Variants in KCNMA1 observed in about 807,000 individuals in gnomAD.
KCNMA1 encodes Calcium-activated potassium channel subunit alpha-1.
Under a neutral mutation model 140.0 loss-of-function variants are expected in KCNMA1, and 29 were observed. The observed-to-expected ratio is 0.21, with a 90% confidence interval of 0.15 to 0.28. The LOEUF is 0.28. Ranked by LOEUF, KCNMA1 falls within the 10% of genes least tolerant of loss-of-function variation. The pLI, the probability that KCNMA1 is intolerant of heterozygous loss-of-function variation, is 1.00. For missense variants in KCNMA1, 880 were observed against 1,602.2 expected, an observed-to-expected ratio of 0.55 and a Z score of 7.70; for synonymous variants, 612 against 611.9, an observed-to-expected ratio of 1.00 and a Z score of 0.00.
chr10:76,974,325 C>T (rs1293837286), intron 19 of KCNMA1: 16 of 497,692 alleles, frequency 3.2e-5, no homozygotes, highest in South Asian at 9.0e-5. Context: ...TCGTTTTTTA[C>T]GGTTTTCCCT....
chr10:77,623,697 C>T (rs1483231675), intron 1 of KCNMA1, among the ~76,000 whole-genome samples: 2 of 149,592 alleles, frequency 1.3e-5, no homozygotes, highest in African/African-American at 2.5e-5. Context: ...ACCAAGACTC[C>T]GTCTCAAAAA....
intron 20 of KCNMA1, among the ~76,000 whole-genome samples, chr10:76,963,093 A>G (rs2072367909): frequency 6.6e-6 from 1 of 152,300 alleles, no homozygotes; most frequent in East Asian, 1.9e-4. Context: ...TGCTGTAACT[A>G]ATCAGCAGGG....
intron 2 of KCNMA1, among the ~76,000 whole-genome samples, chr10:77,313,179 T>C (rs907196773): frequency 1.3e-5 from 2 of 152,208 alleles, no homozygotes; most frequent in African/African-American, 2.4e-5. Context: ...ATTTCTGTGC[T>C]TGAATCAGGA....
intron 19 of KCNMA1, among the ~76,000 whole-genome samples, chr10:76,997,882 T>C (rs1020077618): frequency 6.6e-6 from 1 of 152,254 alleles, no homozygotes; most frequent in African/African-American, 2.4e-5. Context: ...AATGACACTC[T>C]ATGCACTGAT....
intron 1 of KCNMA1, among the ~76,000 whole-genome samples, chr10:77,471,539 A>C (rs975293388): frequency 2.6e-5 from 4 of 151,372 alleles, no homozygotes; most frequent in Non-Finnish European, 4.4e-5. Context: ...CACAGCACAC[A>C]CTACACACAC....
chr10:77,073,541 C>T (rs2096282185), intron 13 of KCNMA1, among the ~76,000 whole-genome samples: 1 of 152,112 alleles, frequency 6.6e-6, no homozygotes, highest in Non-Finnish European at 1.5e-5. Flanking sequence ...GACCCAACAG[C>T]CTGGGTTACT....
At chr10:76,977,547 G>C (rs2078021710) in intron 19 of KCNMA1, 2 of 702,790 alleles carry the variant, frequency 2.8e-6, no homozygotes, top group Non-Finnish European at 5.2e-6. Context: ...GCTGACCTTT[G>C]ACAGAGAAAG....
rs561010321 is a variant in KCNMA1, at chr10:77,149,317, C to T, written c.809-28269G>A. ...TGCTTCTAATCAGTCTGGAATAAAGCGATGTCATGGGCATAAACTAATTTC... is the reference window on the plus strand; with the variant it reads ...TGCTTCTAATCAGTCTGGAATAAAGTGATGTCATGGGCATAAACTAATTTC... On this transcript the variant is annotated intron_variant, in intron 5 of 27. Transcript: ENST00000286628. Among the ~76,000 whole-genome samples, 5 of 152,310 alleles carry T rather than the reference C, an allele frequency of 3.3e-5. No individual in the cohort carries two copies. The South Asian group carries it at 6.2e-4, about 19-fold the overall frequency.
At chr10:77,432,510 A>G (rs2097174957) in intron 1 of KCNMA1, among the ~76,000 whole-genome samples, 1 of 152,202 alleles carries the variant, frequency 6.6e-6, no homozygotes, top group Non-Finnish European at 1.5e-5. Context: ...GCAACAAGCC[A>G]ACTGGCATGC....
chr10:77,401,742 C>A (rs911416434), intron 2 of KCNMA1, among the ~76,000 whole-genome samples: 4 of 152,112 alleles, frequency 2.6e-5, no homozygotes, highest in Admixed American at 6.5e-5. Flanking sequence ...TTTTTTATAT[C>A]TTCCCGCCAT....
At chr10:77,019,493 C>T in intron 16 of KCNMA1, 1 of 231,314 alleles carries the variant, frequency 4.3e-6, no homozygotes, top group South Asian at 6.7e-5. Context: ...GAAGCTATTG[C>T]TACAACAATT....
chr10:77,577,598 A>G (rs1266551494), intron 1 of KCNMA1, among the ~76,000 whole-genome samples: 1 of 152,252 alleles, frequency 6.6e-6, no homozygotes, highest in Non-Finnish European at 1.5e-5. Flanking sequence ...ATATACACAC[A>G]TACGTAACTT....
chr10:77,288,057 T>G (rs1253083452), intron 2 of KCNMA1, among the ~76,000 whole-genome samples: 1 of 152,192 alleles, frequency 6.6e-6, no homozygotes, highest in Non-Finnish European at 1.5e-5. Context: ...TGCATTCCAG[T>G]TAACTATGGA....
At chr10:77,040,039 C>T (rs1462496789) in intron 14 of KCNMA1, among the ~76,000 whole-genome samples, 2 of 148,884 alleles carry the variant, frequency 1.3e-5, no homozygotes, top group Admixed American at 6.7e-5. Context: ...TGCATCACCA[C>T]ACCTGGCAAT....
At chr10:77,423,517 G>C (rs1566754344) in intron 1 of KCNMA1, among the ~76,000 whole-genome samples, 3 of 152,134 alleles carry the variant, frequency 2.0e-5, no homozygotes, top group African/African-American at 7.2e-5. Flanking sequence ...CGATACCTTA[G>C]GAAAGAGCCA....
intron 23 of KCNMA1, among the ~76,000 whole-genome samples, chr10:76,937,327 A>G (rs1310131583): frequency 6.6e-6 from 1 of 152,190 alleles, no homozygotes; most frequent in Non-Finnish European, 1.5e-5. Flanking sequence ...GCACTGCCCC[A>G]TTCTGGCCGT....
At chr10:77,195,740 G>A (rs538255877) in intron 3 of KCNMA1, among the ~76,000 whole-genome samples, 1 of 152,172 alleles carries the variant, frequency 6.6e-6, no homozygotes, top group South Asian at 2.1e-4. Flanking sequence ...CTTAAAGTCA[G>A]GAGTTCGAGA....
At chr10:77,098,491 G>A (rs544377381) in intron 9 of KCNMA1, among the ~76,000 whole-genome samples, 1 of 151,946 alleles carries the variant, frequency 6.6e-6, no homozygotes, top group South Asian at 2.1e-4. Flanking sequence ...CTCAGTGTCA[G>A]AGCTGCATCT....
intron 1 of KCNMA1, among the ~76,000 whole-genome samples, chr10:77,450,335 C>T (rs751195039): frequency 2.0e-4 from 30 of 152,194 alleles, no homozygotes; most frequent in Non-Finnish European, 3.4e-4. Flanking sequence ...GGAGTACAGG[C>T]GTGAGCCGCT....
Sources: allele counts gnomAD v4.1 joint callset (sites outside exome capture counted in the v4.1 genomes callset), GRCh38; gene constraint gnomAD v4.1.1; transcripts MANE v1.5; gene names NCBI Gene and HGNC (gene_info 2026-07-23, HGNC 2026-07-21).